DAB1: variants seen among roughly 807,000 people sequenced by gnomAD.
DAB1 encodes the protein disabled homolog 1.
A neutral mutation model predicts 64.6 loss-of-function variants in DAB1; 15 were observed. That is an observed-to-expected ratio of 0.23 (90% CI 0.16 to 0.36). The LOEUF (loss-of-function observed/expected upper bound fraction) is 0.36. Ranked by LOEUF, DAB1 falls within the 10% of genes least tolerant of loss-of-function variation. The probability of loss-of-function intolerance (pLI) is 1.00; values close to 1 mark genes in which losing one functional copy is unlikely to be tolerated. For missense variants in DAB1, 596 were observed against 706.7 expected (o/e 0.84, Z 1.78); for synonymous variants, 235 against 251.9 (o/e 0.93, Z 0.64).
chr1:57,324,156 G>C (rs1353352350), intron 1 of DAB1, among the ~76,000 whole-genome samples: 1 of 152,154 alleles, frequency 6.6e-6, no homozygotes, highest in African/African-American at 2.4e-5. Flanking sequence ...CAAATTAACA[G>C]GTCAATAGCA....
chr1:57,749,131 C>T (rs1479860473), intron 6 of DAB1, among the ~76,000 whole-genome samples: 2 of 152,162 alleles, frequency 1.3e-5, no homozygotes, highest in African/African-American at 4.8e-5. Context: ...ACACCATGGT[C>T]ACCCTACGGG....
intron 5 of DAB1, among the ~76,000 whole-genome samples, chr1:58,011,379 C>G (rs576557439): frequency 6.6e-6 from 1 of 152,168 alleles, no homozygotes; most frequent in Non-Finnish European, 1.5e-5. Context: ...CATCTTAAAT[C>G]AAGGCCTATT....
chr1:57,928,497 G>A (rs1470305255), intron 5 of DAB1, among the ~76,000 whole-genome samples: 2 of 152,054 alleles, frequency 1.3e-5, no homozygotes, highest in East Asian at 3.9e-4. Context: ...CTCATTTTTG[G>A]TGCTGCACAT....
chr1:57,290,511 A>G (rs1672686418), intron 2 of DAB1, among the ~76,000 whole-genome samples: 1 of 152,190 alleles, frequency 6.6e-6, no homozygotes, highest in Non-Finnish European at 1.5e-5. Flanking sequence ...GATGAACTAC[A>G]GAATATCTGG....
chr1:57,070,880 G>T (rs778885982), intron 7 of DAB1, 143 bp downstream of exon 7: 24 of 744,358 alleles, frequency 3.2e-5, no homozygotes, highest in African/African-American at 8.8e-5. Context: ...TCCTGGAGGG[G>T]CTGGCAGCCC....
At chr1:57,077,234 C>T (rs1374046796) in intron 4 of DAB1, among the ~76,000 whole-genome samples, 2 of 152,112 alleles carry the variant, frequency 1.3e-5, no homozygotes, top group Non-Finnish European at 2.9e-5. Flanking sequence ...GAGAACAGGA[C>T]CTTGTGGAGA....
intron 5 of DAB1, among the ~76,000 whole-genome samples, chr1:57,929,946 C>T (rs1644932024): frequency 6.6e-6 from 1 of 152,174 alleles, no homozygotes; most frequent in Non-Finnish European, 1.5e-5. Flanking sequence ...TCCCAATATT[C>T]CACACTGGGG....
intron 1 of DAB1, among the ~76,000 whole-genome samples, chr1:57,311,586 G>A (rs1399979895): frequency 2.0e-5 from 3 of 152,056 alleles, no homozygotes; most frequent in Non-Finnish European, 4.4e-5. Context: ...AGGACATTCA[G>A]TTATGTTAGG....
chr1:57,828,551 G>A (rs1326249671), intron 1 of DAB1, among the ~76,000 whole-genome samples: 1 of 152,092 alleles, frequency 6.6e-6, no homozygotes, highest in African/African-American at 2.4e-5. Context: ...TGAAATATTG[G>A]AATCAAGTCA....
intron 3 of DAB1, among the ~76,000 whole-genome samples, chr1:57,139,421 G>C (rs1658396998): frequency 6.6e-6 from 1 of 152,094 alleles, no homozygotes; most frequent in African/African-American, 2.4e-5. Context: ...CCAGGATCCA[G>C]AACTGTGAGA....
At chr1:57,914,949 G>A (rs917537019) in intron 5 of DAB1, among the ~76,000 whole-genome samples, 6 of 152,130 alleles carry the variant, frequency 3.9e-5, no homozygotes, top group African/African-American at 1.4e-4. Context: ...GGTCTAGTAT[G>A]AAAATTGCAG....
At chr1:58,372,581 T>G (rs1158888412) in intron 3 of DAB1, among the ~76,000 whole-genome samples, 2 of 152,132 alleles carry the variant, frequency 1.3e-5, no homozygotes, top group Admixed American at 1.3e-4. Context: ...GACATGAGAT[T>G]TGGAAGAAGC....
intron 2 of DAB1, among the ~76,000 whole-genome samples, chr1:57,187,944 A>G (rs1193412273): frequency 6.6e-6 from 1 of 151,840 alleles, no homozygotes; most frequent in Non-Finnish European, 1.5e-5. Flanking sequence ...ACAGACAGAC[A>G]CCCCACAAGG....
rs556639616 is a variant in DAB1, at chr1:57,013,013, C to T, written c.1445-1741G>A. Among the ~76,000 whole-genome samples, 278 of 152,292 alleles carry T rather than the reference C, an allele frequency of 1.8e-3. 3 individuals are homozygous for T. The highest frequency in any genetic ancestry group is 4.3e-3 in the Admixed American group (66 of 15,298). ...AATTTCATCCCTGGGGTACATTTGG[C>T]AATGCTTGGAGTCATTTTTCTCGAC... On this transcript the variant is annotated intron_variant, in intron 12 of 14. Transcript: ENST00000371236.
At chr1:57,936,487 G>T (rs1033116823) in intron 5 of DAB1, among the ~76,000 whole-genome samples, 1 of 152,166 alleles carries the variant, frequency 6.6e-6, no homozygotes, top group African/African-American at 2.4e-5. Context: ...CGCCTGCTGG[G>T]TTCAAGCAAT....
chr1:58,419,148 T>A (rs147321403), intron 3 of DAB1, among the ~76,000 whole-genome samples: 1 of 152,290 alleles, frequency 6.6e-6, no homozygotes, highest in African/African-American at 2.4e-5. Context: ...GCCCCATGTT[T>A]ATGAAAACTC....
intron 4 of DAB1, among the ~76,000 whole-genome samples, chr1:58,326,394 C>T (rs1315729142): frequency 1.6e-4 from 24 of 152,230 alleles, no homozygotes; most frequent in East Asian, 5.8e-4. Flanking sequence ...ATTATCCTCT[C>T]GGCCAGAGCT....
intron 7 of DAB1, among the ~76,000 whole-genome samples, chr1:57,436,761 G>T (rs1033492252): frequency 1.5e-4 from 23 of 152,290 alleles, no homozygotes; most frequent in Admixed American, 1.1e-3. Context: ...GGGTGCGGTG[G>T]CTCACGCCTG....
intron 3 of DAB1, among the ~76,000 whole-genome samples, chr1:58,390,244 C>T (rs909761267): frequency 1.3e-5 from 2 of 152,128 alleles, no homozygotes; most frequent in Admixed American, 1.3e-4. Context: ...ACCCCTACCC[C>T]CAGCCATCAG....
Sources: gnomAD v4.1 joint callset for allele counts (sites outside exome capture counted in the v4.1 genomes callset) on GRCh38, gnomAD v4.1.1 for gene constraint, MANE v1.5 for transcripts, NCBI Gene and HGNC (gene_info 2026-07-23, HGNC 2026-07-21) for gene names.